Variants in RFC3 observed in about 807,000 individuals in gnomAD.
RFC3 encodes A1 38 kDa subunit.
In RFC3, 41 loss-of-function variants were observed where a neutral mutation model predicts 45.1. That is an observed-to-expected ratio of 0.91 (90% CI 0.71 to 1.18). RFC3 has a LOEUF of 1.18. Among genes scored for constraint, RFC3 ranks in the 50% most tolerant of loss-of-function variants. The pLI is 0.00. For missense variants in RFC3, 423 were observed against 428.1 expected (o/e 0.99, Z 0.10); for synonymous variants, 149 against 144.0 (o/e 1.03, Z -0.25).
chr13:33,883,328 A>G (rs1026812412), intron 8 of RFC3, among the ~76,000 whole-genome samples: 1 of 152,174 alleles, frequency 6.6e-6, no homozygotes, highest in African/African-American at 2.4e-5. Flanking sequence ...AAAATTGCAT[A>G]ATTTTTGTTA....
chr13:33,972,417 A>G, the RFC3 span, among the ~76,000 whole-genome samples: 1 of 152,074 alleles, frequency 6.6e-6, no homozygotes, highest in South Asian at 2.1e-4. Context: ...AGACAACTCC[A>G]CTTCTCCTAG....
intron 8 of RFC3, among the ~76,000 whole-genome samples, chr13:33,940,365 A>G (rs2082915301): frequency 6.6e-6 from 1 of 152,172 alleles, no homozygotes; most frequent in Non-Finnish European, 1.5e-5. Context: ...ATGTTGCCTC[A>G]TTGCCAGACA....
intron 8 of RFC3, chr13:33,846,841 G>A: frequency 6.6e-6 from 1 of 152,242 alleles, no homozygotes; most frequent in East Asian, 1.9e-4. Flanking sequence ...CTCTCTGTGG[G>A]TTCTGTCATG....
intron 8 of RFC3, chr13:33,966,003 C>A: frequency 2.0e-6 from 2 of 994,980 alleles, no homozygotes; most frequent in Non-Finnish European, 3.2e-6. Context: ...AAGTGTATTA[C>A]ACATCCTTTG....
At chr13:33,861,188 A>G (rs1196311699) in intron 8 of RFC3, among the ~76,000 whole-genome samples, 2 of 152,254 alleles carry the variant, frequency 1.3e-5, no homozygotes, top group Non-Finnish European at 2.9e-5. Flanking sequence ...TTTGTAAAAT[A>G]TAAAAATAGA....
At chr13:33,857,230 TC>T (rs1271170178) in intron 8 of RFC3, among the ~76,000 whole-genome samples, 1 of 152,190 alleles carries the variant, frequency 6.6e-6, no homozygotes, top group Admixed American at 6.5e-5. Context: ...CAAGATAGCG[TC>T]CAATCTCATT....
intron 8 of RFC3, among the ~76,000 whole-genome samples, chr13:33,881,702 GTTC>G (rs1302778885): frequency 6.6e-6 from 1 of 151,964 alleles, no homozygotes; most frequent in Admixed American, 6.6e-5. Context: ...CTCTGTCCCT[GTTC>G]TTGTACCCTC....
At chr13:33,833,400 A>C (rs1295584402) in intron 7 of RFC3, among the ~76,000 whole-genome samples, 1 of 152,162 alleles carries the variant, frequency 6.6e-6, no homozygotes, top group Non-Finnish European at 1.5e-5. Flanking sequence ...TATGGAGATT[A>C]GGTACCTTGT....
At chr13:33,972,677 T>G in the RFC3 span, among the ~76,000 whole-genome samples, 1 of 152,180 alleles carries the variant, frequency 6.6e-6, no homozygotes, top group African/African-American at 2.4e-5. Context: ...AGCCTGGAAA[T>G]GTAGCTGGCA....
intron 5 of RFC3, 143 bp downstream of exon 5, chr13:33,830,160 C>T (rs2082088908): frequency 5.9e-6 from 4 of 675,232 alleles, no homozygotes; most frequent in Non-Finnish European, 7.5e-6. Context: ...GTGAACAAAC[C>T]AAAGCGTATA....
At chr13:33,864,555 A>C (rs936269063) in intron 8 of RFC3, among the ~76,000 whole-genome samples, 1 of 152,060 alleles carries the variant, frequency 6.6e-6, no homozygotes, top group Non-Finnish European at 1.5e-5. Context: ...TATGAGAGTG[A>C]GTGGAAACTT....
At chr13:33,889,347 G>T (rs895460112) in intron 8 of RFC3, among the ~76,000 whole-genome samples, 4 of 152,146 alleles carry the variant, frequency 2.6e-5, no homozygotes, top group Non-Finnish European at 4.4e-5. Context: ...CCACAGGCTG[G>T]TTGATAATTA....
intron 8 of RFC3, among the ~76,000 whole-genome samples, chr13:33,934,519 G>T (rs1371892670): frequency 6.6e-6 from 1 of 152,070 alleles, no homozygotes; most frequent in Non-Finnish European, 1.5e-5. Flanking sequence ...TTCCCTGGAT[G>T]TCCGAATCAG....
chr13:33,884,091 A>C (rs188885243), intron 8 of RFC3, among the ~76,000 whole-genome samples: 435 of 152,336 alleles, frequency 2.9e-3, no homozygotes, highest in Admixed American at 5.4e-3. Flanking sequence ...GCAACTACAC[A>C]AATGGATAAT....
chr13:33,853,719 TTTG>T (rs1264162362), intron 8 of RFC3, among the ~76,000 whole-genome samples: 8 of 152,240 alleles, frequency 5.3e-5, no homozygotes, highest in African/African-American at 1.9e-4. Context: ...GAAATACATG[TTTG>T]TTGTTACTAA....
chr13:33,830,688 G>A, intron 5 of RFC3, 31 bp from the exon 6 acceptor site: 1 of 1,581,138 alleles, frequency 6.3e-7, no homozygotes, highest in South Asian at 1.1e-5. Flanking sequence ...CTTTTTAATG[G>A]ATTGCCCATT....
chr13:33,865,376 T>C (rs1393480261), intron 8 of RFC3, among the ~76,000 whole-genome samples: 1 of 152,208 alleles, frequency 6.6e-6, no homozygotes, highest in Non-Finnish European at 1.5e-5. Context: ...GTGACAGCTC[T>C]AGGTCTGGAA....
intron 3 of RFC3, among the ~76,000 whole-genome samples, chr13:33,824,330 AAATATTTCAG>A (rs2082030049): frequency 6.6e-6 from 1 of 152,152 alleles, no homozygotes; most frequent in Non-Finnish European, 1.5e-5. Flanking sequence ...TGTTTGGAGT[AAATATTTCAG>A]AAATTGACTT....
intron 1 of RFC3, 35 bp from the exon 2 acceptor site, chr13:33,821,097 T>C: frequency 6.2e-7 from 1 of 1,611,580 alleles, no homozygotes. Context: ...CAGTTCAGTT[T>C]GACTAGGGAA....
Sources: gnomAD v4.1 joint callset for allele counts (sites outside exome capture counted in the v4.1 genomes callset) on GRCh38, gnomAD v4.1.1 for gene constraint, MANE v1.5 for transcripts, NCBI Gene and HGNC (gene_info 2026-07-23, HGNC 2026-07-21) for gene names.